The following KCNB2 variants were observed in gnomAD, a reference collection of about 807,000 sequenced individuals.
KCNB2 encodes delayed rectifier potassium channel protein.
KCNB2 carries 15 observed loss-of-function variants against 61.5 expected under a neutral mutation model. That is an observed-to-expected ratio of 0.24 (90% CI 0.16 to 0.38). The LOEUF (loss-of-function observed/expected upper bound fraction) is 0.38. Ranked by LOEUF, KCNB2 falls within the 10% of genes least tolerant of loss-of-function variation. The pLI is 1.00. For synonymous variants in KCNB2, 457 were observed against 446.0 expected, an observed-to-expected ratio of 1.02 and a Z score of -0.31; for missense variants, 828 against 1,125.2, an observed-to-expected ratio of 0.74 and a Z score of 3.78.
intron 2 of KCNB2, among the ~76,000 whole-genome samples, chr8:72,641,407 G>C (rs1005932572): frequency 1.3e-5 from 2 of 152,118 alleles, no homozygotes; most frequent in African/African-American, 2.4e-5. Context: ...TATGTACTGT[G>C]TGTTTCTATG....
intron 2 of KCNB2, among the ~76,000 whole-genome samples, chr8:72,670,535 A>G (rs1470387977): frequency 6.6e-6 from 1 of 152,158 alleles, no homozygotes; most frequent in African/African-American, 2.4e-5. Flanking sequence ...CATATTCCTA[A>G]TTCAGATCCT....
rs141875738 is a variant in KCNB2, at chr8:72,814,581, A to G, written c.580-121354A>G. ...TTTAGTGCTTTGTAAAACTTTGGCT[A>G]ATTTTGATTAAAGGAATAATTTTTT... is the stretch of plus-strand genomic sequence containing the variant. On this transcript the variant is annotated intron_variant, in intron 2 of 2. Coordinates refer to ENST00000523207, the MANE Select transcript of KCNB2 (RefSeq NM_004770.3). Among the ~76,000 whole-genome samples, 1,093 of 152,314 alleles carry G rather than the reference A, an allele frequency of 7.2e-3. 10 individuals carry two copies. The highest frequency in any genetic ancestry group is 0.024 in the African/African-American group (1,011 of 41,562).
intron 2 of KCNB2, among the ~76,000 whole-genome samples, chr8:72,764,712 C>T (rs1808435244): frequency 6.6e-6 from 1 of 152,176 alleles, no homozygotes; most frequent in Admixed American, 6.5e-5. Context: ...CAATAGTAAT[C>T]ATCACAGAAT....
rs186621013 is a variant in KCNB2 at position 72,577,638 on chromosome 8, C to T, written c.579+9325C>T. Reference sequence around the variant, plus strand: ...TAGAGGTCATTGCCACCCTAGATTTCACGCTTTAACTTCTCTCTCATTGGG... The same window carrying T: ...TAGAGGTCATTGCCACCCTAGATTTTACGCTTTAACTTCTCTCTCATTGGG... On this transcript the variant is annotated intron_variant, in intron 2 of 2. Transcript: ENST00000523207. 1.3e-5 allele frequency among the ~76,000 whole-genome samples: 2 copies of T among 152,154 alleles called. 1 individual carries two copies. Among genetic ancestry groups the T allele is most frequent in the South Asian group, 4.1e-4 (2 of 4,826 alleles).
At chr8:72,735,530 T>C in intron 2 of KCNB2, among the ~76,000 whole-genome samples, 1 of 152,192 alleles carries the variant, frequency 6.6e-6, no homozygotes, top group East Asian at 1.9e-4. Context: ...CAAACTTTAC[T>C]GTGTGGTAAT....
At chr8:72,593,111 C>G (rs751808809) in intron 2 of KCNB2, among the ~76,000 whole-genome samples, 2 of 151,988 alleles carry the variant, frequency 1.3e-5, no homozygotes, top group African/African-American at 2.4e-5. Context: ...TTTGGCATGC[C>G]TGATAGTCAG....
intron 2 of KCNB2, among the ~76,000 whole-genome samples, chr8:72,621,245 G>A (rs115350108): frequency 1.3e-5 from 2 of 152,016 alleles, no homozygotes; most frequent in Non-Finnish European, 2.9e-5. Context: ...TGTCAGTAAC[G>A]ACCTCCCATA....
intron 2 of KCNB2, among the ~76,000 whole-genome samples, chr8:72,708,406 T>A (rs1807269526): frequency 1.3e-5 from 2 of 152,214 alleles, no homozygotes; most frequent in African/African-American, 4.8e-5. Context: ...TGTTCTAATT[T>A]GCTGAGATCA....
chr8:72,887,178 C>T (rs1230428110), intron 2 of KCNB2, among the ~76,000 whole-genome samples: 1 of 152,192 alleles, frequency 6.6e-6, no homozygotes. Context: ...AATAAAGCCG[C>T]AGCATTAGAA....
chr8:72,700,527 G>A (rs1807102463), intron 2 of KCNB2, among the ~76,000 whole-genome samples: 1 of 152,040 alleles, frequency 6.6e-6, no homozygotes, highest in South Asian at 2.1e-4. Flanking sequence ...ACACCAGTCA[G>A]ATAGCTGTCA....
intron 2 of KCNB2, among the ~76,000 whole-genome samples, chr8:72,780,319 A>G (rs1387661434): frequency 6.6e-6 from 1 of 152,192 alleles, no homozygotes; most frequent in East Asian, 1.9e-4. Context: ...TATGCTTTCC[A>G]CTTCACTTTG....
chr8:72,539,924 A>G (rs1399630862), intron 1 of KCNB2, among the ~76,000 whole-genome samples: 1 of 152,172 alleles, frequency 6.6e-6, no homozygotes, highest in Non-Finnish European at 1.5e-5. Flanking sequence ...ACTCACTATG[A>G]TAATAAAAGT....
intron 2 of KCNB2, among the ~76,000 whole-genome samples, chr8:72,906,673 AAT>A (rs1448654342): frequency 5.9e-5 from 9 of 152,168 alleles, no homozygotes; most frequent in Non-Finnish European, 1.3e-4. Context: ...GACTTTTTAA[AAT>A]ATATCTTTCC....
chr8:72,699,205 A>C (rs1807071228), intron 2 of KCNB2, among the ~76,000 whole-genome samples: 1 of 152,196 alleles, frequency 6.6e-6, no homozygotes, highest in South Asian at 2.1e-4. Context: ...TTACACTTCC[A>C]ACAACAGTGT....
chr8:72,560,979 A>G (rs1806501627), intron 1 of KCNB2, among the ~76,000 whole-genome samples: 1 of 152,142 alleles, frequency 6.6e-6, no homozygotes, highest in African/African-American at 2.4e-5. Flanking sequence ...TAGTTTATTT[A>G]TAAATTTGGA....
At chr8:72,760,790 G>T (rs1444519563) in intron 2 of KCNB2, among the ~76,000 whole-genome samples, 2 of 152,088 alleles carry the variant, frequency 1.3e-5, no homozygotes, top group Non-Finnish European at 1.5e-5. Flanking sequence ...CATGATCTTG[G>T]CCTCAAGTGG....
chr8:72,813,358 A>C (rs1809337196), intron 2 of KCNB2, among the ~76,000 whole-genome samples: 1 of 152,102 alleles, frequency 6.6e-6, no homozygotes, highest in African/African-American at 2.4e-5. Flanking sequence ...AAACATCGTA[A>C]GACTTAAAAC....
chr8:72,847,575 C>T (rs1810017137), intron 2 of KCNB2, among the ~76,000 whole-genome samples: 1 of 152,170 alleles, frequency 6.6e-6, no homozygotes, highest in African/African-American at 2.4e-5. Context: ...TCTTTACCAC[C>T]AACCAAGGAT....
At chr8:72,748,923 A>G (rs1297111056) in intron 2 of KCNB2, among the ~76,000 whole-genome samples, 3 of 151,986 alleles carry the variant, frequency 2.0e-5, no homozygotes, top group African/African-American at 7.2e-5. Context: ...AACCACAGTC[A>G]CCATATTATT....
Sources: gnomAD v4.1 joint callset for allele counts (sites outside exome capture counted in the v4.1 genomes callset) on GRCh38, gnomAD v4.1.1 for gene constraint, MANE v1.5 for transcripts, NCBI Gene and HGNC (gene_info 2026-07-23, HGNC 2026-07-21) for gene names.